FKBP9: variants seen among roughly 807,000 people sequenced by gnomAD.
FKBP9 encodes the protein peptidyl-prolyl cis-trans isomerase FKBP9.
FKBP9 carries 27 observed loss-of-function variants against 55.6 expected under a neutral mutation model. The ratio of observed to expected loss-of-function variants is 0.49; its 90% confidence interval spans 0.36 to 0.67. The LOEUF (loss-of-function observed/expected upper bound fraction) is 0.67. Ranked by LOEUF, FKBP9 falls within the 30% of genes least tolerant of loss-of-function variation. FKBP9 has a pLI of 0.00. For synonymous variants in FKBP9, 267 were observed against 296.5 expected (o/e 0.90, Z 1.02); for missense variants, 539 against 742.8 (o/e 0.73, Z 3.19).
At position 32,976,516 on chromosome 7, in the gene FKBP9, C is replaced by T. The variant is rs766290864; in HGVS notation, c.703+17C>T. ...ATGGAGATGGTAAGTCCGTCTCCTTCTTGGAGCCACTCTTTCCTACCCTTA... is the reference window on the plus strand; with the variant it reads ...ATGGAGATGGTAAGTCCGTCTCCTTTTTGGAGCCACTCTTTCCTACCCTTA... On this transcript the variant is annotated intron_variant, in intron 4 of 9. Coordinates refer to ENST00000242209, the MANE Select transcript of FKBP9 (RefSeq NM_007270.5). The T allele has an allele frequency of 5.7e-6, 9 of 1,568,148 alleles. No homozygotes were observed. In the African/African-American group the frequency reaches 1.2e-4, roughly 22 times the overall value.
At chr7:32,957,870 C>A (rs1005524407) in intron 1 of FKBP9, 76 bp downstream of exon 1, 98 of 1,121,450 alleles carry the variant, frequency 8.7e-5, no homozygotes, top group Middle Eastern at 2.1e-4. Flanking sequence ...TCCCTCCTGC[C>A]GGACCTCCCC....
intron 9 of FKBP9, 61 bp from the exon 10 acceptor site, chr7:33,005,114 C>G (rs1323267331): frequency 1.3e-6 from 2 of 1,581,420 alleles, no homozygotes; most frequent in Non-Finnish European, 1.7e-6. Flanking sequence ...CTGTTTCTGG[C>G]CCCAGGCCTG....
rs552595029 is a variant in FKBP9 at position 32,966,433 on chromosome 7, G to A, written c.222-8184G>A. The stretch of plus-strand genomic sequence containing the variant: ...AAACAAGCTGATGGAGAGAAAAGGA[G>A]GGTGTTGGATGTGCTAGGTGGTTTC... On this transcript the variant is annotated intron_variant, in intron 1 of 9. Transcript: ENST00000242209. 2.0e-5 allele frequency among the ~76,000 whole-genome samples: 3 copies of A among 152,220 alleles called. No homozygotes were observed. In the East Asian group the frequency reaches 5.8e-4, roughly 29 times the overall value.
At chr7:32,993,840 T>C (rs1784732160) in intron 6 of FKBP9, among the ~76,000 whole-genome samples, 2 of 152,264 alleles carry the variant, frequency 1.3e-5, no homozygotes, top group African/African-American at 4.8e-5. Flanking sequence ...TCCTCATTTC[T>C]GGCTAATAAA....
At chr7:32,961,960 A>G (rs182122943) in intron 1 of FKBP9, among the ~76,000 whole-genome samples, 2 of 152,198 alleles carry the variant, frequency 1.3e-5, no homozygotes, top group East Asian at 3.9e-4. Flanking sequence ...CGGTGTAATA[A>G]TAATGGAAAT....
chr7:33,005,898 C>T lies in FKBP9; in HGVS notation c.*547C>T, dbSNP rs142854193. ...CTGATGATGGCCCCACCCCCGCACACGCACACGCACATCATGCTTTTCCAG... is the reference window on the plus strand; with the variant it reads ...CTGATGATGGCCCCACCCCCGCACATGCACACGCACATCATGCTTTTCCAG... On this transcript the variant is annotated 3_prime_UTR_variant, in exon 10 of 10. Transcript: ENST00000242209. 4,010 of 232,834 alleles carry T rather than the reference C, an allele frequency of 0.017. 59 individuals are homozygous for T. The highest frequency in any genetic ancestry group is 0.028 in the East Asian group (461 of 16,472). The allele number at this position is 232,834 out of a possible 1,614,324, so 14.4% of individuals were successfully genotyped here.
intron 5 of FKBP9, among the ~76,000 whole-genome samples, chr7:32,987,047 G>A (rs1006471744): frequency 6.6e-6 from 1 of 152,216 alleles, no homozygotes; most frequent in African/African-American, 2.4e-5. Flanking sequence ...TCCACTGAGT[G>A]GACTTGGGGC....
intron 1 of FKBP9, among the ~76,000 whole-genome samples, chr7:32,963,304 G>A (rs942013795): frequency 6.6e-5 from 10 of 151,830 alleles, no homozygotes; most frequent in African/African-American, 2.4e-4. Context: ...TCCTTGGGAG[G>A]CCTGGGTGGC....
At chr7:32,960,732 G>C (rs1034406864) in intron 1 of FKBP9, among the ~76,000 whole-genome samples, 9 of 152,148 alleles carry the variant, frequency 5.9e-5, no homozygotes, top group Non-Finnish European at 8.8e-5. Context: ...TCCCTCAAGA[G>C]AGAGACTAGT....
intron 8 of FKBP9, among the ~76,000 whole-genome samples, chr7:33,000,559 T>C (rs376254909): frequency 0.048 from 7,292 of 151,326 alleles, 402 homozygotes; most frequent in African/African-American, 0.12. Flanking sequence ...GGGAGGTTTC[T>C]CTGGGGTCAG....
At chr7:32,981,566 C>T (rs1187946566) in intron 5 of FKBP9, among the ~76,000 whole-genome samples, 13 of 152,006 alleles carry the variant, frequency 8.6e-5, no homozygotes, top group Non-Finnish European at 1.5e-4. Context: ...TGATAGACTT[C>T]TAGTTAATGT....
At position 33,005,269 on chromosome 7, in the gene FKBP9, A is replaced by T; in HGVS notation, c.1631A>T (p.Asn544Ile). 6.2e-7 allele frequency: 1 copy of T among 1,610,842 alleles called. No individual in the cohort carries two copies. The highest frequency in any genetic ancestry group is 2.2e-5 in the East Asian group (1 of 44,900). The change falls in exon 10 of 10, where the codon AAC becomes ATC. Residue 544 changes from asparagine to isoleucine, a missense_variant. By Grantham distance (149) the Asn-to-Ile change is moderately radical. Around this residue, in one of 4 missense-constraint regions of FKBP9, gnomAD observed 102 missense variants for 200.7 expected, o/e 0.51. Coordinates refer to ENST00000242209, the MANE Select transcript of FKBP9 (RefSeq NM_007270.5). ...CTGATTGTGAAGAATATGTTCACCA[A>T]CCAGGACCGGAATGGAGATGGGAAG... is the stretch of plus-strand genomic sequence containing the variant. ...AELIVKNMFT[N>I]QDRNGDGKVT...
intron 1 of FKBP9, among the ~76,000 whole-genome samples, chr7:32,965,822 T>TATATATATATATGTGTACAC (rs1784127506): frequency 5.8e-5 from 1 of 17,354 alleles, no homozygotes; most frequent in Non-Finnish European, 1.2e-4. Flanking sequence ...AATATATATA[T>TATATATATATATGTGTACAC]ATATATATAT....
rs564261109 is a variant in FKBP9 at position 32,980,695 on chromosome 7, A to G, written c.893+142A>G. The G allele has an allele frequency of 1.2e-3, 1,548 of 1,328,154 alleles. 2 individuals are homozygous for G. Among genetic ancestry groups the G allele is most frequent in the Non-Finnish European group, 1.5e-3 (1,456 of 986,926 alleles). The allele number at this position is 1,328,154 out of a possible 1,614,324, so 82.3% of individuals were successfully genotyped here. A position where few individuals can be genotyped will look rare whatever the true frequency, so the allele number is the denominator to read the frequency against. The stretch of plus-strand genomic sequence containing the variant: ...CTCTAATACAAGTTTCTGTTTTCTG[A>G]TACTTAGTTCTTTCCTCCCTTCCTT... On this transcript the variant is annotated intron_variant, in intron 5 of 9. Transcript: ENST00000242209.
In FKBP9 at chr7:33,000,240, GC is replaced by G. The variant is rs1472633004; in HGVS notation, c.1353del (p.Tyr452MetfsTer16). On this transcript the variant is annotated frameshift_variant, in exon 8 of 10. Transcript: ENST00000242209. LOFTEE classifies it high-confidence loss of function. ...ACAGTGATCATTCCGCCTCACCTGG[GC>G]TATGGGGAAGCTGGCGTGGGTGAGT... Reference protein sequence around the residue: ...KRTVIIPPHLGYGEAGVDGEV... With the variant: ...KRTVIIPPHLXYGEAGVDGEV... The G allele has an allele frequency of 6.2e-7, 1 of 1,611,754 alleles. No individual in the cohort carries two copies. The highest frequency in any genetic ancestry group is 8.5e-7 in the Non-Finnish European group (1 of 1,178,364).
At position 32,988,553 on chromosome 7, in the gene FKBP9, G is replaced by A. The variant is rs150348129; in HGVS notation, c.940G>A (p.Val314Met). 0.015 allele frequency: 23,731 copies of A among 1,613,798 alleles called. 216 individuals carry two copies. The highest frequency in any genetic ancestry group is 0.026 in the South Asian group (2,361 of 91,070). The part of the protein sequence containing the change: ...TFDTYIGQGY[V>M]IPGMDEGLLG... ...TGACACGTACATTGGGCAGGGCTAC[G>A]TGATTCCTGGGATGGATGAAGGTCT... Residue 314 changes from valine (V) to methionine (M), a missense_variant, in exon 6 of 10, where the codon GTG becomes ATG. Val to Met is a conservative substitution (Grantham distance 21). This residue lies in a region of FKBP9 where 172 missense variants were observed against 205.3 expected (regional missense o/e 0.84). Coordinates refer to ENST00000242209, the MANE Select transcript of FKBP9 (RefSeq NM_007270.5).
At chr7:32,961,367 A>G (rs1396010960) in intron 1 of FKBP9, among the ~76,000 whole-genome samples, 9 of 152,186 alleles carry the variant, frequency 5.9e-5, no homozygotes, top group Non-Finnish European at 8.8e-5. Flanking sequence ...ATACTTCTGA[A>G]TCACGTAGAG....
intron 4 of FKBP9, chr7:32,979,564 C>A (rs1042385802): frequency 1.5e-5 from 23 of 1,550,016 alleles, no homozygotes; most frequent in Non-Finnish European, 2.0e-5. Flanking sequence ...TACTCCTTTG[C>A]ATGATATAAC....
chr7:32,990,152 G>A (rs1368923350), intron 6 of FKBP9, among the ~76,000 whole-genome samples: 2 of 152,086 alleles, frequency 1.3e-5, no homozygotes, highest in Admixed American at 1.3e-4. Context: ...TTATTAAAAG[G>A]GACTTTACAG....
Sources: gnomAD v4.1 joint callset for allele counts (sites outside exome capture counted in the v4.1 genomes callset) on GRCh38, gnomAD v4.1.1 for gene constraint, gnomAD v4.1.1 regional missense constraint, MANE v1.5 for transcripts, NCBI Gene and HGNC (gene_info 2026-07-23, HGNC 2026-07-21) for gene names.